Variants in MARCHF11 observed in about 807,000 individuals in gnomAD.
MARCHF11 encodes membrane associated ring-CH-type finger 11, also known as E3 ubiquitin-protein ligase MARCHF11.
MARCHF11 carries 29 observed loss-of-function variants against 37.3 expected under a neutral mutation model. The ratio of observed to expected loss-of-function variants is 0.78; its 90% CI spans 0.58 to 1.06. MARCHF11 has a LOEUF of 1.06. Among genes scored for constraint, MARCHF11 ranks in the 50% least tolerant of loss-of-function variants. The pLI, the probability that MARCHF11 is intolerant of heterozygous loss-of-function variation, is 0.00. For synonymous variants in MARCHF11, 233 were observed against 228.0 expected, an observed-to-expected ratio of 1.02 and a Z score of -0.20; for missense variants, 482 against 533.4, an observed-to-expected ratio of 0.90 and a Z score of 0.95.
chr5:16,130,235 G>A (rs539291984), intron 2 of MARCHF11, among the ~76,000 whole-genome samples: 3 of 149,086 alleles, frequency 2.0e-5, no homozygotes, highest in Admixed American at 6.7e-5. Context: ...TTAAAAGACC[G>A]TAAATTCCAG....
At chr5:16,111,733 G>A (rs983895779) in intron 2 of MARCHF11, among the ~76,000 whole-genome samples, 4 of 152,202 alleles carry the variant, frequency 2.6e-5, no homozygotes, top group African/African-American at 9.6e-5. Context: ...TAGGGAAAAT[G>A]TCTCAAGAGC....
intron 2 of MARCHF11, among the ~76,000 whole-genome samples, chr5:16,106,499 G>T (rs961361832): frequency 3.3e-5 from 5 of 152,204 alleles, no homozygotes; most frequent in Admixed American, 3.3e-4. Flanking sequence ...CAGAACACAA[G>T]ACACATTGGG....
intron 2 of MARCHF11, among the ~76,000 whole-genome samples, chr5:16,142,946 G>A (rs1737741449): frequency 8.0e-6 from 1 of 125,606 alleles, no homozygotes; most frequent in South Asian, 2.5e-4. Context: ...CTCCATGTTG[G>A]TCAGGCTGGT....
At position 16,068,061 on chromosome 5, in the gene MARCHF11, G is replaced by T. The variant is rs141271373; in HGVS notation, c.887-268C>A. On this transcript the variant is annotated intron_variant, in intron 3 of 3. Transcript: ENST00000332432. ...AATTTCCTTGCTCCATCATGGCTCA[G>T]ATTTTGCTTTGGGAATTTATATTGC... Among the ~76,000 whole-genome samples, 947 of 152,242 alleles carry T rather than the reference G, an allele frequency of 6.2e-3. 11 individuals carry two copies. The highest frequency in any genetic ancestry group is 0.021 in the African/African-American group (888 of 41,540).
At chr5:16,103,260 C>T (rs907166392) in intron 2 of MARCHF11, among the ~76,000 whole-genome samples, 9 of 152,096 alleles carry the variant, frequency 5.9e-5, no homozygotes, top group African/African-American at 1.9e-4. Context: ...CTGAGTTTGA[C>T]AGGATGGGTC....
At chr5:16,150,532 TGTTA>T (rs1737872810) in intron 2 of MARCHF11, among the ~76,000 whole-genome samples, 1 of 149,512 alleles carries the variant, frequency 6.7e-6, no homozygotes, top group Admixed American at 6.6e-5. Context: ...ACTCATTACC[TGTTA>T]GTGAGTTGGA....
chr5:16,112,419 A>C (rs2126571150), intron 2 of MARCHF11, among the ~76,000 whole-genome samples: 1 of 152,292 alleles, frequency 6.6e-6, no homozygotes, highest in Admixed American at 6.5e-5. Context: ...TGGAGCTTCA[A>C]GATTTGACTA....
At chr5:16,154,306 C>T (rs1737933113) in intron 2 of MARCHF11, among the ~76,000 whole-genome samples, 1 of 152,042 alleles carries the variant, frequency 6.6e-6, no homozygotes, top group Middle Eastern at 3.4e-3. Context: ...ACTCAAAAAA[C>T]TGCATCCAAC....
At chr5:16,068,167 G>T (rs1273501699) in intron 3 of MARCHF11, among the ~76,000 whole-genome samples, 1 of 152,056 alleles carries the variant, frequency 6.6e-6, no homozygotes, top group Admixed American at 6.6e-5. Flanking sequence ...ATGTGTTAGG[G>T]GCTTGAACCC....
chr5:16,111,776 A>G (rs1737141422), intron 2 of MARCHF11, among the ~76,000 whole-genome samples: 1 of 152,224 alleles, frequency 6.6e-6, no homozygotes, highest in Non-Finnish European at 1.5e-5. Flanking sequence ...AGCCCCTCCC[A>G]TCATAGGCCT....
chr5:16,156,649 A>G (rs1367518178), intron 2 of MARCHF11, among the ~76,000 whole-genome samples: 6 of 151,870 alleles, frequency 4.0e-5, no homozygotes, highest in African/African-American at 7.2e-5. Context: ...TAATAATAAT[A>G]TGGTCATTAA....
chr5:16,090,031 G>C (rs1736765703), intron 3 of MARCHF11, among the ~76,000 whole-genome samples: 1 of 152,160 alleles, frequency 6.6e-6, no homozygotes, highest in South Asian at 2.1e-4. Flanking sequence ...GTAAAACCCA[G>C]ATGGCTGGGC....
intron 3 of MARCHF11, among the ~76,000 whole-genome samples, chr5:16,070,505 G>T (rs1245991928): frequency 6.6e-6 from 1 of 152,202 alleles, no homozygotes; most frequent in Non-Finnish European, 1.5e-5. Flanking sequence ...GTGATGGAGG[G>T]TGCAGGGGCA....
rs75204047 is a variant in MARCHF11 at position 16,100,749 on chromosome 5, A to C, written c.694-9668T>G. 1.1e-3 allele frequency among the ~76,000 whole-genome samples: 166 copies of C among 152,340 alleles called. 2 individuals carry two copies. The East Asian group carries it at 0.029, about 27-fold the overall frequency. ...TCCATTCACAGGAGGAAGGTATATC[A>C]GAGCAGCAGAAGGTGTAAAAAGTTT... On this transcript the variant is annotated intron_variant, in intron 2 of 3. Coordinates refer to ENST00000332432, the MANE Select transcript of MARCHF11 (RefSeq NM_001102562.3).
chr5:16,152,336 A>G (rs931498903), intron 2 of MARCHF11, among the ~76,000 whole-genome samples: 2 of 151,980 alleles, frequency 1.3e-5, no homozygotes, highest in African/African-American at 4.8e-5. Context: ...AGGCTCAAAA[A>G]TATAGTTACA....
At chr5:16,100,931 T>C (rs1004172788) in intron 2 of MARCHF11, among the ~76,000 whole-genome samples, 3 of 152,154 alleles carry the variant, frequency 2.0e-5, no homozygotes, top group African/African-American at 7.2e-5. Flanking sequence ...ACAAAGAAGG[T>C]TATGTCTAAC....
In MARCHF11 at chr5:16,179,662, G is replaced by A. The variant is rs1444403916; in HGVS notation, c.-87C>T. 3.6e-6 allele frequency: 3 copies of A among 839,868 alleles called. No homozygotes were observed. The highest frequency in any genetic ancestry group is 1.1e-4 in the South Asian group (2 of 18,098). 52.0% of individuals were successfully genotyped at this position (839,868 alleles called of 1,614,324 possible). A position where few individuals can be genotyped will look rare whatever the true frequency, so the allele number is the denominator to read the frequency against. The stretch of plus-strand genomic sequence containing the variant: ...AAGAGAGCGCGGAGGGGGCGGGAGG[G>A]AGAGGGGAAAAGGAGGGAGGGGGCC... On this transcript the variant is annotated 5_prime_UTR_variant, in exon 1 of 4. Coordinates refer to ENST00000332432, the MANE Select transcript of MARCHF11 (RefSeq NM_001102562.3).
chr5:16,069,560 G>C (rs1431087289), intron 3 of MARCHF11, among the ~76,000 whole-genome samples: 1 of 152,162 alleles, frequency 6.6e-6, no homozygotes, highest in South Asian at 2.1e-4. Context: ...TGGATTTGGG[G>C]AGTTGGGGAG....
chr5:16,179,419 G>A lies in MARCHF11; in HGVS notation c.157C>T (p.Pro53Ser), dbSNP rs906008238. The A allele has an allele frequency of 8.9e-6, 10 of 1,123,386 alleles. No individual in the cohort carries two copies. The highest frequency in any genetic ancestry group is 8.7e-6 in the Non-Finnish European group (8 of 919,602). The allele number at this position is 1,123,386 out of a possible 1,614,324, so 69.6% of individuals were successfully genotyped here. A position where few individuals can be genotyped will look rare whatever the true frequency, so the allele number is the denominator to read the frequency against. Reference sequence around the variant, plus strand: ...CGCTCGGGGGTCTCGGGGGACGCGGGCAGCGGCGGCAGGTAGCGCGGGGCC... The same window carrying A: ...CGCTCGGGGGTCTCGGGGGACGCGGACAGCGGCGGCAGGTAGCGCGGGGCC... ...PAAPRYLPPL[P>S]ASPETPERAA... The change falls in exon 1 of 4, where the codon CCC (proline) becomes TCC (serine). Residue 53 changes from proline to serine, a missense_variant. Pro to Ser is a moderately conservative substitution (Grantham distance 74, BLOSUM62 -1). Transcript: ENST00000332432.
Sources: allele counts gnomAD v4.1 joint callset (sites outside exome capture counted in the v4.1 genomes callset), GRCh38; gene constraint gnomAD v4.1.1; transcripts MANE v1.5; gene names NCBI Gene and HGNC (gene_info 2026-07-23, HGNC 2026-07-21).